The following IFT122 variants were observed in gnomAD, a reference collection of about 807,000 sequenced individuals.
IFT122 encodes intraflagellar transport protein 122 homolog.
IFT122 carries 118 observed loss-of-function variants against 161.6 expected under a neutral mutation model. The ratio of observed to expected loss-of-function variants is 0.73; its 90% CI spans 0.63 to 0.85. The LOEUF is 0.85. Ranked by LOEUF, IFT122 falls within the 40% of genes least tolerant of loss-of-function variation. The probability of loss-of-function intolerance (pLI) is 0.00; values close to 1 mark genes in which losing one functional copy is unlikely to be tolerated. For missense variants in IFT122, 1,381 were observed against 1,579.6 expected (o/e 0.87, Z 2.13); for synonymous variants, 550 against 602.4 (o/e 0.91, Z 1.27).
intron 1 of IFT122, among the ~76,000 whole-genome samples, chr3:129,446,791 C>T (rs1247417387): frequency 2.0e-5 from 3 of 152,146 alleles, no homozygotes; most frequent in Non-Finnish European, 4.4e-5. Context: ...AGATATTTTA[C>T]AGAGTTTGAT....
chr3:129,449,806 C>G, intron 1 of IFT122, 65 bp from the exon 2 acceptor site: 1 of 1,071,424 alleles, frequency 9.3e-7, no homozygotes, highest in Non-Finnish European at 1.5e-6. Context: ...AGTTTACTTT[C>G]CTGGCCATTA....
At chr3:129,478,469 GAGAC>G (rs1448177115) in intron 12 of IFT122, among the ~76,000 whole-genome samples, 7 of 152,084 alleles carry the variant, frequency 4.6e-5, no homozygotes, top group African/African-American at 9.6e-5. Flanking sequence ...TATTTTTCTT[GAGAC>G]AGACAGGGTC....
intron 12 of IFT122, 52 bp downstream of exon 12, chr3:129,478,270 C>G (rs752356135): frequency 1.3e-5 from 20 of 1,515,732 alleles, no homozygotes; most frequent in South Asian, 4.5e-5. Flanking sequence ...TGTGCTCCCC[C>G]CCCAGTGATA....
intron 3 of IFT122, chr3:129,455,997 G>A: frequency 5.1e-6 from 2 of 392,364 alleles, no homozygotes; most frequent in Non-Finnish European, 1.0e-5. Context: ...GTGGACTCAT[G>A]TAGTTAAAAC....
chr3:129,499,991 C>T lies in IFT122; in HGVS notation c.2298C>T (p.Ala766=), dbSNP rs1007388408. ...DWARNIKEPK[A]AVEMYISAGE... ...CCAGAAATATCAAGGAGCCCAAAGC[C>T]GCCGTGGAGATGTACATCTCAGCAG... Residue 766 remains alanine (A), a synonymous_variant, in exon 19 of 30, where the codon GCC becomes GCT. Transcript: ENST00000348417. The T allele has an allele frequency of 1.6e-5, 26 of 1,614,036 alleles. No homozygotes were observed. Among genetic ancestry groups the T allele is most frequent in the African/African-American group, 4.0e-5 (3 of 74,908 alleles).
intron 15 of IFT122, chr3:129,487,618 A>T (rs550184932): frequency 6.2e-6 from 1 of 161,314 alleles, no homozygotes; most frequent in East Asian, 1.8e-4. Context: ...ACTTGGAGCA[A>T]ATCACTTACC....
intron 22 of IFT122, 33 bp from the exon 23 acceptor site, chr3:129,507,635 C>T (rs2082320823): frequency 3.8e-6 from 6 of 1,569,928 alleles, no homozygotes; most frequent in Non-Finnish European, 5.3e-6. Flanking sequence ...CACTGTTTGA[C>T]ACGTTTCCCC....
chr3:129,467,058 C>T lies in IFT122; in HGVS notation c.732C>T (p.Asp244=), dbSNP rs202074599. 91 of 1,613,518 alleles carry T rather than the reference C, an allele frequency of 5.6e-5. No individual in the cohort carries two copies. The highest frequency in any genetic ancestry group is 3.4e-4 in the Middle Eastern group (2 of 5,800). Residue 244 remains aspartate, a synonymous_variant, in exon 8 of 30, where the codon GAC becomes GAT. Transcript: ENST00000348417. ...EPEEEDDSPR[D]DNLEERNDIL... ...AGGAAGAGGACGACAGTCCCAGGGA[C>T]GACAACTTGTGAGTGTGTCCCAGTG... is the stretch of plus-strand genomic sequence containing the variant.
intron 10 of IFT122, 22 bp downstream of exon 10, chr3:129,476,528 T>C (rs1457935678): frequency 6.2e-7 from 1 of 1,614,078 alleles, no homozygotes; most frequent in Admixed American, 1.7e-5. Flanking sequence ...AAGTTTGTTC[T>C]GTGGGGCCAT....
chr3:129,500,322 G>A (rs1262135114), intron 19 of IFT122, among the ~76,000 whole-genome samples: 1 of 152,170 alleles, frequency 6.6e-6, no homozygotes, highest in Non-Finnish European at 1.5e-5. Context: ...TTTGCTGAGC[G>A]CTCACTACAA....
intron 9 of IFT122, among the ~76,000 whole-genome samples, chr3:129,475,910 T>C (rs904830783): frequency 2.6e-5 from 4 of 152,192 alleles, no homozygotes; most frequent in Admixed American, 6.5e-5. Flanking sequence ...CTTTATAAAA[T>C]ACTTTTTTAA....
At chr3:129,504,181 T>C (rs1159705958) in intron 20 of IFT122, 138 bp from the exon 21 acceptor site, 3 of 722,040 alleles carry the variant, frequency 4.2e-6, no homozygotes, top group Non-Finnish European at 7.4e-6. Flanking sequence ...GTGGGTAGTT[T>C]TTTGGGGGAG....
At chr3:129,462,881 T>A (rs1434387168) in intron 5 of IFT122, among the ~76,000 whole-genome samples, 4 of 152,168 alleles carry the variant, frequency 2.6e-5, no homozygotes, top group Admixed American at 2.6e-4. Flanking sequence ...GATAGAGTCA[T>A]GTGTTGTGAT....
At chr3:129,513,315 C>T (rs1191174810) in intron 24 of IFT122, 1 of 152,322 alleles carries the variant, frequency 6.6e-6, no homozygotes, top group African/African-American at 2.4e-5. Context: ...ACTCTCAGCT[C>T]CTTCCCAGCC....
intron 1 of IFT122, among the ~76,000 whole-genome samples, chr3:129,444,082 G>T (rs1488992684): frequency 6.6e-6 from 1 of 152,154 alleles, no homozygotes; most frequent in African/African-American, 2.4e-5. Context: ...AGTGTCAGGC[G>T]CTTTGGATAG....
chr3:129,466,991 T>C lies in IFT122; in HGVS notation c.665T>C (p.Val222Ala), dbSNP rs202080955. The stretch of plus-strand genomic sequence containing the variant: ...ATCCCTTCCACTCTGAAGTCAGCAG[T>C]GTACAGTAGTCAGGGTAGTGAGGCA... ...QEIPSTLKSAVYSSQGSEAEE... is the reference protein window; with the variant it reads ...QEIPSTLKSAAYSSQGSEAEE... The change falls in exon 8 of 30, where the codon GTG (valine) becomes GCG (alanine). Residue 222 changes from valine (V) to alanine (A), a missense_variant. This residue lies in a region of IFT122 where 544 missense variants were observed against 648.0 expected (regional missense o/e 0.84). Coordinates refer to ENST00000348417, the MANE Select transcript of IFT122 (RefSeq NM_052989.3). 1 of 1,614,166 alleles carries C rather than the reference T, an allele frequency of 6.2e-7. No individual in the cohort carries two copies. Among genetic ancestry groups the C allele is most frequent in the East Asian group, 2.2e-5 (1 of 44,882 alleles).
At chr3:129,454,420 A>G (rs2075205998) in intron 3 of IFT122, among the ~76,000 whole-genome samples, 1 of 151,226 alleles carries the variant, frequency 6.6e-6, no homozygotes, top group Non-Finnish European at 1.5e-5. Flanking sequence ...AAGACAAGTC[A>G]TGTGACTTGC....
At chr3:129,464,978 C>T (rs1209069030) in intron 7 of IFT122, among the ~76,000 whole-genome samples, 197 bp downstream of exon 7, 1 of 152,006 alleles carries the variant, frequency 6.6e-6, no homozygotes, top group Non-Finnish European at 1.5e-5. Context: ...AGAGCCTCCT[C>T]AAAAGTTGAG....
At chr3:129,477,762 G>A (rs921858681) in intron 11 of IFT122, among the ~76,000 whole-genome samples, 1 of 152,230 alleles carries the variant, frequency 6.6e-6, no homozygotes, top group African/African-American at 2.4e-5. Context: ...TATCCAGCAA[G>A]TGATGGTAAC....
Sources: gnomAD v4.1 joint callset for allele counts (sites outside exome capture counted in the v4.1 genomes callset) on GRCh38, gnomAD v4.1.1 for gene constraint, gnomAD v4.1.1 regional missense constraint, MANE v1.5 for transcripts, NCBI Gene and HGNC (gene_info 2026-07-23, HGNC 2026-07-21) for gene names.